Variants in KMO observed in about 807,000 individuals in gnomAD.
KMO encodes the protein kynurenine 3-monooxygenase, also known as kynurenine 3-hydroxylase.
Under a neutral mutation model 57.8 loss-of-function variants are expected in KMO, and 24 were observed. The observed-to-expected ratio is 0.42, with a 90% CI of 0.30 to 0.58. The LOEUF is 0.58. Among genes scored for constraint, KMO ranks in the 20% least tolerant of loss-of-function variants. The pLI is 0.22. For synonymous variants in KMO, 210 were observed against 193.6 expected (o/e 1.08, Z -0.70); for missense variants, 483 against 588.2 (o/e 0.82, Z 1.85).
chr1:241,555,141 CAA>C (rs1491578619), intron 4 of KMO, among the ~76,000 whole-genome samples: 2 of 152,018 alleles, frequency 1.3e-5, no homozygotes, highest in African/African-American at 4.8e-5. Context: ...CTGCCACAAC[CAA>C]CACACACACA....
At position 241,589,953 on chromosome 1, in the gene KMO, C is replaced by A; in HGVS notation, c.1099-59C>A. 2.4e-6 allele frequency: 3 copies of A among 1,239,838 alleles called. No homozygotes were observed. The South Asian group carries it at 3.6e-5, about 15-fold the overall frequency. 76.8% of individuals were successfully genotyped at this position (1,239,838 alleles called of 1,614,324 possible). A position where few individuals can be genotyped will look rare whatever the true frequency, so the allele number is the denominator to read the frequency against. On this transcript the variant is annotated intron_variant, in intron 12 of 14. Transcript: ENST00000366559. ...GTGGGAATGAAGAATAATACTAAGT[C>A]GCAGTGAGAAATAGCTGTATTTGTT...
At chr1:241,566,728 A>G in intron 9 of KMO, 116 bp downstream of exon 9, 1 of 1,051,744 alleles carries the variant, frequency 9.5e-7, no homozygotes. Context: ...AGTAACCTGG[A>G]CAGAAACCTA....
At chr1:241,590,327 T>C in intron 14 of KMO, 64 bp downstream of exon 14, 1 of 1,277,080 alleles carries the variant, frequency 7.8e-7, no homozygotes, top group Non-Finnish European at 1.1e-6. Context: ...AGTATTATGA[T>C]TATGTTTGTT....
intron 14 of KMO, among the ~76,000 whole-genome samples, chr1:241,590,731 C>A (rs1465505915): frequency 6.6e-5 from 10 of 150,468 alleles, no homozygotes. Context: ...TTTACAACGT[C>A]ATTTATTCAA....
chr1:241,577,871 C>T (rs1358518078), intron 10 of KMO, among the ~76,000 whole-genome samples: 2 of 152,124 alleles, frequency 1.3e-5, no homozygotes, highest in African/African-American at 4.8e-5. Context: ...GAAGTCTTTT[C>T]AGGGGAAACG....
intron 12 of KMO, among the ~76,000 whole-genome samples, chr1:241,589,320 A>G (rs1663152424): frequency 6.6e-6 from 1 of 152,236 alleles, no homozygotes; most frequent in Non-Finnish European, 1.5e-5. Context: ...TTGAAAAAAA[A>G]ACATATTAAT....
chr1:241,565,672 C>T (rs1466177455), intron 8 of KMO, among the ~76,000 whole-genome samples: 3 of 151,370 alleles, frequency 2.0e-5, no homozygotes, highest in Non-Finnish European at 2.9e-5. Context: ...TGCAGTAAGC[C>T]GTGATCATCC....
intron 7 of KMO, among the ~76,000 whole-genome samples, chr1:241,564,143 G>A (rs1661987721): frequency 6.6e-6 from 1 of 152,128 alleles, no homozygotes; most frequent in South Asian, 2.1e-4. Flanking sequence ...ATGATACAGT[G>A]TAAAAATGTT....
rs1462182029 is a variant in KMO at position 241,593,867 on chromosome 1, G to T, written c.*1714G>T. 6.5e-6 allele frequency: 1 copy of T among 153,648 alleles called. No homozygotes were observed. The highest frequency in any genetic ancestry group is 6.4e-5 in the Admixed American group (1 of 15,564). 9.5% of individuals were successfully genotyped at this position (153,648 alleles called of 1,614,324 possible). A position where few individuals can be genotyped will look rare whatever the true frequency, so the allele number is the denominator to read the frequency against. On this transcript the variant is annotated 3_prime_UTR_variant, in exon 15 of 15. Transcript: ENST00000366559. ...TGGTGCTGGTCTCCAGGCTGACAAG[G>T]ATTCAAAGTTGTCTCTGAAACTCCT... is the stretch of plus-strand genomic sequence containing the variant.
chr1:241,576,070 T>C (rs1024203508), intron 10 of KMO, among the ~76,000 whole-genome samples: 4 of 151,652 alleles, frequency 2.6e-5, no homozygotes, highest in African/African-American at 9.7e-5. Context: ...TTATCTGATA[T>C]AATAGCTACC....
intron 3 of KMO, 193 bp downstream of exon 3, chr1:241,549,967 G>T (rs2147949582): frequency 3.8e-6 from 2 of 523,594 alleles, no homozygotes; most frequent in East Asian, 6.6e-5. Flanking sequence ...ACCCGAGGAG[G>T]ACCCTGCAAC....
At chr1:241,535,796 T>A (rs1309111439) in intron 1 of KMO, among the ~76,000 whole-genome samples, 2 of 152,202 alleles carry the variant, frequency 1.3e-5, no homozygotes, top group Non-Finnish European at 2.9e-5. Flanking sequence ...TGGGATTACC[T>A]CCTGCTAGTT....
intron 1 of KMO, among the ~76,000 whole-genome samples, chr1:241,535,846 C>T (rs1463972859): frequency 6.6e-6 from 1 of 152,226 alleles, no homozygotes; most frequent in East Asian, 1.9e-4. Context: ...GTGAAGGCTT[C>T]TCCTCTCTTT....
At chr1:241,540,023 C>T (rs563095296) in intron 1 of KMO, among the ~76,000 whole-genome samples, 12 of 152,070 alleles carry the variant, frequency 7.9e-5, no homozygotes, top group South Asian at 4.1e-4. Context: ...CATCTTTTGA[C>T]GTGGAAATGT....
At chr1:241,546,804 A>C (rs1661165086) in intron 1 of KMO, among the ~76,000 whole-genome samples, 1 of 152,204 alleles carries the variant, frequency 6.6e-6, no homozygotes, top group African/African-American at 2.4e-5. Context: ...AAACATTTGC[A>C]TGCATGAGCT....
intron 4 of KMO, among the ~76,000 whole-genome samples, chr1:241,553,545 G>A (rs937534675): frequency 3.3e-5 from 5 of 151,952 alleles, no homozygotes; most frequent in South Asian, 2.1e-4. Flanking sequence ...AAAATTAGCC[G>A]GGCATGGTGG....
At chr1:241,566,843 G>A (rs1171556754) in intron 9 of KMO, among the ~76,000 whole-genome samples, 2 of 152,112 alleles carry the variant, frequency 1.3e-5, no homozygotes, top group African/African-American at 2.4e-5. Flanking sequence ...CCAATGTCCC[G>A]AGGCTTTTGG....
At chr1:241,576,226 A>AT (rs1662513673) in intron 10 of KMO, among the ~76,000 whole-genome samples, 1 of 151,864 alleles carries the variant, frequency 6.6e-6, no homozygotes, top group Non-Finnish European at 1.5e-5. Context: ...GACAATCTAT[A>AT]TTTTTTAAGA....
intron 4 of KMO, among the ~76,000 whole-genome samples, chr1:241,553,090 T>C (rs1661471773): frequency 6.6e-6 from 1 of 152,250 alleles, no homozygotes; most frequent in Non-Finnish European, 1.5e-5. Flanking sequence ...GTCTTACAGA[T>C]CTCCAAAGGA....
Sources: allele counts gnomAD v4.1 joint callset (sites outside exome capture counted in the v4.1 genomes callset), GRCh38; gene constraint gnomAD v4.1.1; transcripts MANE v1.5; gene names NCBI Gene and HGNC (gene_info 2026-07-23, HGNC 2026-07-21).